The following KY variants were observed in gnomAD, a reference collection of about 807,000 sequenced individuals.
KY encodes the protein kyphoscoliosis peptidase.
In KY, 43 loss-of-function variants were observed where a neutral mutation model predicts 76.1. The ratio of observed to expected loss-of-function variants is 0.57; its 90% CI spans 0.44 to 0.73. The LOEUF (loss-of-function observed/expected upper bound fraction) is 0.73, where lower values mean the gene tolerates loss of function less well. KY is among the 30% of genes least tolerant of loss of function. The pLI is 0.00. For synonymous variants in KY, 277 were observed against 326.2 expected (o/e 0.85, Z 1.63); for missense variants, 722 against 828.9 (o/e 0.87, Z 1.58).
intron 3 of KY, among the ~76,000 whole-genome samples, chr3:134,638,184 T>C (rs1053350699): frequency 1.3e-5 from 2 of 152,260 alleles, no homozygotes; most frequent in Non-Finnish European, 2.9e-5. Flanking sequence ...GGGCCTGGGC[T>C]GGACACGCTG....
At chr3:134,606,607 G>A (rs139271971) in intron 10 of KY, among the ~76,000 whole-genome samples, 1 of 152,176 alleles carries the variant, frequency 6.6e-6, no homozygotes, top group South Asian at 2.1e-4. Context: ...TCATTTTTGT[G>A]TAGTGTCCGA....
Position 134,618,954 on chromosome 3 carries a change from C to T in KY, c.710+194G>A, listed in dbSNP as rs75618193. ...CATTATGTTAATGCATCGCGAAGCC[C>T]GGCAGATGGTACAAAGTCAATTATG... On this transcript the variant is annotated intron_variant, in intron 8 of 10. Transcript: ENST00000423778. 0.018 allele frequency among the ~76,000 whole-genome samples: 2,688 copies of T among 152,240 alleles called. 38 individuals are homozygous for T. The highest frequency in any genetic ancestry group is 0.029 in the Non-Finnish European group (1,975 of 68,022).
At chr3:134,619,064 G>T in intron 8 of KY, 84 bp downstream of exon 8, 1 of 1,119,506 alleles carries the variant, frequency 8.9e-7, no homozygotes, top group Non-Finnish European at 1.4e-6. Context: ...TTCAGGCCTG[G>T]CATGTGGGCA....
intron 3 of KY, among the ~76,000 whole-genome samples, chr3:134,634,368 T>C (rs375221617): frequency 6.6e-6 from 1 of 152,078 alleles, no homozygotes; most frequent in African/African-American, 2.4e-5. Flanking sequence ...AAAGCTGTAA[T>C]CACAACAATG....
At chr3:134,628,018 T>C (rs531714076) in intron 4 of KY, 200 bp from the exon 5 acceptor site, 2 of 604,160 alleles carry the variant, frequency 3.3e-6, no homozygotes, top group East Asian at 5.5e-5. Flanking sequence ...GAAGGAAGAC[T>C]AAGAACCAGG....
chr3:134,604,856 C>T (rs946897438), intron 10 of KY, among the ~76,000 whole-genome samples: 2 of 152,192 alleles, frequency 1.3e-5, no homozygotes, highest in Admixed American at 6.5e-5. Context: ...ACCATCTCCC[C>T]CAAGTCTCAG....
At chr3:134,628,077 T>G in intron 4 of KY, 1 of 546,172 alleles carries the variant, frequency 1.8e-6, no homozygotes, top group East Asian at 3.1e-5. Flanking sequence ...GAGTTAGTAT[T>G]TGCTCTGACC....
chr3:134,617,618 T>C (rs1961800912), intron 8 of KY, among the ~76,000 whole-genome samples: 1 of 152,242 alleles, frequency 6.6e-6, no homozygotes, highest in African/African-American at 2.4e-5. Flanking sequence ...TTTGCTTTAG[T>C]GCATTTTATA....
In KY at chr3:134,608,730, C is replaced by T. The variant is rs1959721068; in HGVS notation, c.1009G>A (p.Glu337Lys). Residue 337 changes from glutamate to lysine, a missense_variant, in exon 10 of 11, where the codon GAG (glutamate) becomes AAG (lysine). By Grantham distance (56) the Glu-to-Lys change is moderately conservative (BLOSUM62 1). Transcript: ENST00000423778. ...LKPPQSLRQF[E>K]NNMYHKSEFY... ...TCACTCTTGTGATACATGTTGTTCTCAAACTGCCTCAGAGATTGAGGAGGT... is the reference window on the plus strand; with the variant it reads ...TCACTCTTGTGATACATGTTGTTCTTAAACTGCCTCAGAGATTGAGGAGGT... 2 of 1,614,058 alleles carry T rather than the reference C, an allele frequency of 1.2e-6. No homozygotes were observed. Among genetic ancestry groups the T allele is most frequent in the South Asian group, 2.2e-5 (2 of 91,068 alleles).
intron 1 of KY, among the ~76,000 whole-genome samples, chr3:134,648,297 T>C (rs1204343273): frequency 6.6e-6 from 1 of 152,144 alleles, no homozygotes; most frequent in Non-Finnish European, 1.5e-5. Context: ...TCTCCAGCCC[T>C]CTCAACCACT....
At position 134,601,622 on chromosome 3, in the gene KY, A is replaced by G. The variant is rs537810899; in HGVS notation, c.*1957T>C. Among the ~76,000 whole-genome samples the G allele has an allele frequency of 6.6e-6, 1 of 152,178 alleles. No individual in the cohort carries two copies. The highest frequency in any genetic ancestry group is 6.5e-5 in the Admixed American group (1 of 15,294). On this transcript the variant is annotated 3_prime_UTR_variant, in exon 11 of 11. Coordinates refer to ENST00000423778, the MANE Select transcript of KY (RefSeq NM_178554.6). ...CCTCCGGGGCCTTTGTGCATTTTTC[A>G]GGTGTGAGTGACACGAGGCTGGCTG...
chr3:134,633,345 A>G (rs1437700398), intron 3 of KY, among the ~76,000 whole-genome samples: 1 of 152,090 alleles, frequency 6.6e-6, no homozygotes, highest in Non-Finnish European at 1.5e-5. Context: ...AAACACAAAA[A>G]TCTTCCACAA....
chr3:134,610,103 G>A (rs1313612561), intron 9 of KY, 92 bp downstream of exon 9: 29 of 1,378,588 alleles, frequency 2.1e-5, no homozygotes, highest in Non-Finnish European at 2.5e-5. Context: ...TTCCCCTCCC[G>A]CTTGGTCTTC....
At chr3:134,627,669 A>C in intron 5 of KY, 87 bp downstream of exon 5, 1 of 1,222,616 alleles carries the variant, frequency 8.2e-7, no homozygotes, top group Admixed American at 1.8e-5. Flanking sequence ...ATAGTGGCCC[A>C]GGAAGCAACT....
chr3:134,632,138 A>G (rs1056502225), intron 3 of KY, among the ~76,000 whole-genome samples: 1 of 152,120 alleles, frequency 6.6e-6, no homozygotes, highest in Non-Finnish European at 1.5e-5. Context: ...ATAGGACTAA[A>G]AGGAGGAATA....
rs1287437576 is a variant in KY at position 134,643,469 on chromosome 3, G to T, written c.200-91C>A. The T allele has an allele frequency of 1.2e-5, 12 of 1,034,998 alleles. No homozygotes were observed. In the South Asian group the frequency reaches 1.6e-4, roughly 14 times the overall value. 64.1% of individuals were successfully genotyped at this position (1,034,998 alleles called of 1,614,324 possible). A position where few individuals can be genotyped will look rare whatever the true frequency, so the allele number is the denominator to read the frequency against. Reference sequence around the variant, plus strand: ...GCTGTATGTGTTTGCGGGAAAGGTGGGCTGGCGGGGGCCAAGCACATCCCC... The same window carrying T: ...GCTGTATGTGTTTGCGGGAAAGGTGTGCTGGCGGGGGCCAAGCACATCCCC... On this transcript the variant is annotated intron_variant, in intron 2 of 10. Transcript: ENST00000423778.
At chr3:134,619,002 T>A in intron 8 of KY, 146 bp downstream of exon 8, 1 of 646,282 alleles carries the variant, frequency 1.5e-6, no homozygotes, top group Non-Finnish European at 2.8e-6. Flanking sequence ...AGGGAGAAAT[T>A]GACCTTTTCA....
intron 3 of KY, among the ~76,000 whole-genome samples, chr3:134,631,470 A>G (rs1447382103): frequency 1.3e-5 from 2 of 152,176 alleles, no homozygotes. Context: ...AGATAAATAT[A>G]TTAGTCTGCC....
chr3:134,610,122 C>T (rs1960102815), intron 9 of KY, 73 bp downstream of exon 9: 2 of 1,496,304 alleles, frequency 1.3e-6, no homozygotes, highest in Non-Finnish European at 9.1e-7. Context: ...TCTCCACCTG[C>T]TGCTTCATGC....
Sources: gnomAD v4.1 joint callset for allele counts (sites outside exome capture counted in the v4.1 genomes callset) on GRCh38, gnomAD v4.1.1 for gene constraint, MANE v1.5 for transcripts, NCBI Gene and HGNC (gene_info 2026-07-23, HGNC 2026-07-21) for gene names.